Variants in ALKAL1 observed in about 807,000 individuals in gnomAD.
ALKAL1 encodes AUG-beta.
In ALKAL1, 23 loss-of-function variants were observed where a neutral mutation model predicts 13.5. The observed-to-expected ratio is 1.70, with a 90% confidence interval of 1.23 to 2.41. The LOEUF is 2.41. Ranked by LOEUF, ALKAL1 falls within the 30% of genes most tolerant of loss-of-function variation. The probability of loss-of-function intolerance (pLI) is 0.00; values close to 1 mark genes in which losing one functional copy is unlikely to be tolerated. For missense variants in ALKAL1, 181 were observed against 178.4 expected, an observed-to-expected ratio of 1.01 and a Z score of -0.08; for synonymous variants, 85 against 77.7, an observed-to-expected ratio of 1.09 and a Z score of -0.49.
Position 52,565,274 on chromosome 8 carries a change from A to AGAGAGCGGGAGAC in ALKAL1, c.-31_-19dup, listed in dbSNP as rs202231043. On this transcript the variant is annotated 5_prime_UTR_variant, in exon 1 of 5. Coordinates refer to ENST00000358543, the MANE Select transcript of ALKAL1 (RefSeq NM_207413.4). The stretch of plus-strand genomic sequence containing the variant: ...GGCCGCATGTTCGCAAGCCGGGAGG[A>AGAGAGCGGGAGAC]GAGAGCGGGAGACTCCGGGAGGATC... The AGAGAGCGGGAGAC allele has an allele frequency of 9.8e-3, 12,732 of 1,300,348 alleles. 84 individuals carry two copies. Among genetic ancestry groups the AGAGAGCGGGAGAC allele is most frequent in the Non-Finnish European group, 0.012 (11,788 of 1,017,338 alleles). The allele number at this position is 1,300,348 out of a possible 1,614,324, so 80.6% of individuals were successfully genotyped here. A position where few individuals can be genotyped will look rare whatever the true frequency, so the allele number is the denominator to read the frequency against.
intron 1 of ALKAL1, among the ~76,000 whole-genome samples, chr8:52,543,656 C>T (rs1847336566): frequency 6.6e-6 from 1 of 152,184 alleles, no homozygotes; most frequent in South Asian, 2.1e-4. Flanking sequence ...TTCATATAAA[C>T]CTTTCCTCTT....
chr8:52,546,144 C>T (rs1306001974), intron 1 of ALKAL1, among the ~76,000 whole-genome samples: 1 of 152,196 alleles, frequency 6.6e-6, no homozygotes, highest in Non-Finnish European at 1.5e-5. Flanking sequence ...ATGACAGAAA[C>T]GTCCTTTTGT....
intron 1 of ALKAL1, among the ~76,000 whole-genome samples, chr8:52,557,087 GTTTTTCC>G (rs1847492221): frequency 6.6e-6 from 1 of 152,174 alleles, no homozygotes; most frequent in African/African-American, 2.4e-5. Flanking sequence ...GTAACTTGTT[GTTTTTCC>G]TTTCTCAGCA....
chr8:52,549,670 G>A (rs1054420269), intron 1 of ALKAL1, among the ~76,000 whole-genome samples: 2 of 152,018 alleles, frequency 1.3e-5, no homozygotes, highest in African/African-American at 2.4e-5. Context: ...GGCCGGGCAC[G>A]GTGTCTCATG....
In ALKAL1 at chr8:52,565,174, CT is replaced by C; in HGVS notation, c.82del (p.Arg28GlyfsTer45). Reference sequence around the variant, plus strand: ...GCGCGCTCCCCTGCGCCCCCGGGGCCTCCCGTGGGCTCCGTGCGGGGACAAA... The same window carrying C: ...GCGCGCTCCCCTGCGCCCCCGGGGCCCCCGTGGGCTCCGTGCGGGGACAAA... ...LALSPHGAHG[R>X]PRGRRGARVT... On this transcript the variant is annotated frameshift_variant, in exon 1 of 5. Transcript: ENST00000358543. LOFTEE classifies it high-confidence loss of function. 1 of 1,379,096 alleles carries C rather than the reference CT, an allele frequency of 7.3e-7. No individual in the cohort carries two copies. Among genetic ancestry groups the C allele is most frequent in the South Asian group, 1.7e-5 (1 of 60,140 alleles). The allele number at this position is 1,379,096 out of a possible 1,614,324, so 85.4% of individuals were successfully genotyped here.
At chr8:52,546,674 G>A (rs570027189) in intron 1 of ALKAL1, among the ~76,000 whole-genome samples, 5 of 152,322 alleles carry the variant, frequency 3.3e-5, no homozygotes, top group African/African-American at 7.2e-5. Context: ...TTAGCAAATC[G>A]GGTATCAGTT....
intron 1 of ALKAL1, among the ~76,000 whole-genome samples, chr8:52,552,642 T>G (rs1590868713): frequency 6.6e-6 from 1 of 152,282 alleles, no homozygotes; most frequent in Admixed American, 6.5e-5. Context: ...AATAGTACTT[T>G]CTTTATTTTG....
intron 1 of ALKAL1, among the ~76,000 whole-genome samples, chr8:52,558,184 AC>A (rs1197600466): frequency 6.9e-6 from 1 of 145,228 alleles, no homozygotes; most frequent in African/African-American, 2.6e-5. Flanking sequence ...ACACACATAT[AC>A]TTTTTTTTTT....
chr8:52,549,597 T>C (rs1232430611), intron 1 of ALKAL1, among the ~76,000 whole-genome samples: 1 of 152,088 alleles, frequency 6.6e-6, no homozygotes, highest in Non-Finnish European at 1.5e-5. Context: ...GTATGACCTT[T>C]TAAATATATT....
At chr8:52,552,648 T>G (rs952260566) in intron 1 of ALKAL1, among the ~76,000 whole-genome samples, 2 of 152,272 alleles carry the variant, frequency 1.3e-5, no homozygotes, top group African/African-American at 4.8e-5. Flanking sequence ...ACTTTCTTTA[T>G]TTTGTGTCTC....
chr8:52,561,025 A>G (rs907778474), intron 1 of ALKAL1, among the ~76,000 whole-genome samples: 1 of 152,192 alleles, frequency 6.6e-6, no homozygotes, highest in Non-Finnish European at 1.5e-5. Flanking sequence ...GCCTACATAT[A>G]ACAAAATATC....
At chr8:52,556,738 C>T (rs1847488241) in intron 1 of ALKAL1, among the ~76,000 whole-genome samples, 1 of 146,974 alleles carries the variant, frequency 6.8e-6, no homozygotes, top group South Asian at 2.2e-4. Context: ...AAATTCAATT[C>T]ATCAACAAAT....
chr8:52,554,494 A>C (rs1590869200), intron 1 of ALKAL1, among the ~76,000 whole-genome samples: 1 of 152,276 alleles, frequency 6.6e-6, no homozygotes, highest in Non-Finnish European at 1.5e-5. Flanking sequence ...AACAATCAAA[A>C]ACTTGCCTTT....
At chr8:52,546,386 A>G (rs1847369094) in intron 1 of ALKAL1, among the ~76,000 whole-genome samples, 1 of 152,232 alleles carries the variant, frequency 6.6e-6, no homozygotes, top group Admixed American at 6.5e-5. Flanking sequence ...AAAGTTCCTC[A>G]TTAAAGTTCG....
intron 2 of ALKAL1, among the ~76,000 whole-genome samples, chr8:52,540,235 G>C (rs939110805): frequency 4.6e-5 from 7 of 152,188 alleles, no homozygotes; most frequent in Non-Finnish European, 7.3e-5. Context: ...GAGTGGACAA[G>C]AAGTACAAAC....
At chr8:52,557,633 C>T (rs537572789) in intron 1 of ALKAL1, among the ~76,000 whole-genome samples, 1 of 152,240 alleles carries the variant, frequency 6.6e-6, no homozygotes, top group South Asian at 2.1e-4. Flanking sequence ...GCCTACCAAG[C>T]GTGAGTAGAC....
At position 52,565,085 on chromosome 8, in the gene ALKAL1, TGGGAGTCCGGCCGGCCCCGGCCGCG is replaced by T; in HGVS notation, c.147_171del (p.Gly52ProfsTer13). The T allele has an allele frequency of 7.1e-7, 1 of 1,410,674 alleles. No homozygotes were observed. Among genetic ancestry groups the T allele is most frequent in the Non-Finnish European group, 9.3e-7 (1 of 1,079,380 alleles). The allele number at this position is 1,410,674 out of a possible 1,614,324, so 87.4% of individuals were successfully genotyped here. ...ATCGTACCTGCGCTCCGGGAGCCGC[TGGGAGTCCGGCCGGCCCCGGCCGCG>T]GGGAGGAAAAGCAACGGCTTGGGCT... On this transcript the variant is annotated frameshift_variant, in exon 1 of 5. Coordinates refer to ENST00000358543, the MANE Select transcript of ALKAL1 (RefSeq NM_207413.4). LOFTEE classifies it high-confidence loss of function.
intron 1 of ALKAL1, among the ~76,000 whole-genome samples, chr8:52,558,239 T>C (rs1847504405): frequency 6.7e-6 from 1 of 148,380 alleles, no homozygotes; most frequent in African/African-American, 2.5e-5. Context: ...TCCCAGCTAC[T>C]TGGGAGGCTG....
chr8:52,546,212 C>T (rs1847366982), intron 1 of ALKAL1, among the ~76,000 whole-genome samples: 2 of 152,174 alleles, frequency 1.3e-5, no homozygotes, highest in African/African-American at 4.8e-5. Flanking sequence ...TAGCAAACAA[C>T]AGCTCCTGAG....
Sources: allele counts gnomAD v4.1 joint callset (sites outside exome capture counted in the v4.1 genomes callset), GRCh38; gene constraint gnomAD v4.1.1; transcripts MANE v1.5; gene names NCBI Gene and HGNC (gene_info 2026-07-23, HGNC 2026-07-21).